Variants in PTPRD observed in about 807,000 individuals in gnomAD.
The protein encoded by PTPRD is protein tyrosine phosphatase receptor type D.
PTPRD carries 34 observed loss-of-function variants against 214.5 expected under a neutral mutation model. The observed-to-expected ratio is 0.16, with a 90% CI of 0.12 to 0.21. The LOEUF (loss-of-function observed/expected upper bound fraction) is 0.21. PTPRD is among the 10% of genes least tolerant of loss of function. The pLI is 1.00. For missense variants in PTPRD, 2,545 were observed against 2,398.7 expected, an observed-to-expected ratio of 1.06 and a Z score of -1.27; for synonymous variants, 1,128 against 845.7, an observed-to-expected ratio of 1.33 and a Z score of -5.79.
chr9:8,551,043 G>A (rs895404962), intron 14 of PTPRD, among the ~76,000 whole-genome samples: 5 of 152,160 alleles, frequency 3.3e-5, no homozygotes, highest in African/African-American at 7.2e-5. Context: ...TACCATAATG[G>A]CAAATCCCTA....
intron 11 of PTPRD, among the ~76,000 whole-genome samples, chr9:8,853,003 G>A (rs1334055305): frequency 6.6e-6 from 1 of 152,068 alleles, no homozygotes; most frequent in African/African-American, 2.4e-5. Context: ...AATACGTAAA[G>A]TACATAATGT....
chr9:8,670,781 G>C (rs2097267380), intron 12 of PTPRD, among the ~76,000 whole-genome samples: 1 of 152,174 alleles, frequency 6.6e-6, no homozygotes, highest in African/African-American at 2.4e-5. Context: ...AAGACTAGGG[G>C]TGTGGATGAC....
At chr9:9,686,453 T>C (rs1002573752) in intron 7 of PTPRD, among the ~76,000 whole-genome samples, 10 of 151,312 alleles carry the variant, frequency 6.6e-5, no homozygotes, top group Non-Finnish European at 1.2e-4. Flanking sequence ...CTAGAATAGA[T>C]AATACATTAT....
At chr9:10,399,689 T>C (rs2098237512) in intron 2 of PTPRD, among the ~76,000 whole-genome samples, 1 of 151,922 alleles carries the variant, frequency 6.6e-6, no homozygotes, top group African/African-American at 2.4e-5. Flanking sequence ...AGGTGACATC[T>C]GAACTAGTTT....
At chr9:9,992,635 T>G (rs1300157013) in intron 4 of PTPRD, among the ~76,000 whole-genome samples, 1 of 152,056 alleles carries the variant, frequency 6.6e-6, no homozygotes, top group Non-Finnish European at 1.5e-5. Context: ...AAAGGATGAG[T>G]TCATGTCCTT....
chr9:8,698,754 C>T lies in PTPRD; in HGVS notation c.64+35026G>A, dbSNP rs368959113. ...CGGCATAATACAGAAATCGCCTTTT[C>T]GCAGGAAACTAGATAGCTTGTTACC... On this transcript the variant is annotated intron_variant, in intron 12 of 45. Coordinates refer to ENST00000381196, the MANE Select transcript of PTPRD (RefSeq NM_002839.4). Among the ~76,000 whole-genome samples the T allele has an allele frequency of 5.6e-4, 85 of 152,228 alleles. 1 individual carries two copies. Among genetic ancestry groups the T allele is most frequent in the African/African-American group, 2.0e-3 (81 of 41,526 alleles).
intron 5 of PTPRD, among the ~76,000 whole-genome samples, chr9:9,885,845 A>G (rs1359657802): frequency 6.6e-6 from 1 of 152,024 alleles, no homozygotes; most frequent in African/African-American, 2.4e-5. Context: ...GTAATTTGTT[A>G]CAGCCACAAC....
At chr9:8,460,043 C>A (rs2096347910) in intron 33 of PTPRD, among the ~76,000 whole-genome samples, 1 of 152,068 alleles carries the variant, frequency 6.6e-6, no homozygotes, top group African/African-American at 2.4e-5. Context: ...AAAAAACACA[C>A]TGAAATCGAG....
intron 5 of PTPRD, among the ~76,000 whole-genome samples, chr9:9,809,027 C>T (rs991634124): frequency 1.3e-5 from 2 of 151,608 alleles, no homozygotes; most frequent in African/African-American, 4.8e-5. Context: ...CTCAACTGGC[C>T]CTCCCACCTT....
intron 7 of PTPRD, among the ~76,000 whole-genome samples, chr9:9,593,217 T>C (rs645187): frequency 0.37 from 55,694 of 149,600 alleles, 10,798 homozygotes; most frequent in Non-Finnish European, 0.4. Flanking sequence ...GTTTTTGTTT[T>C]TCCCCCCCCT....
At chr9:10,100,005 C>T (rs542479801) in intron 3 of PTPRD, among the ~76,000 whole-genome samples, 1 of 151,704 alleles carries the variant, frequency 6.6e-6, no homozygotes, top group South Asian at 2.1e-4. Flanking sequence ...ATAAATTCAC[C>T]TTCTCCCAAA....
chr9:10,331,461 T>A (rs1421055715), intron 3 of PTPRD, among the ~76,000 whole-genome samples: 7 of 151,900 alleles, frequency 4.6e-5, no homozygotes, highest in Non-Finnish European at 1.0e-4. Context: ...ATTCCCTGTC[T>A]GAATTCCCTG....
intron 3 of PTPRD, among the ~76,000 whole-genome samples, chr9:10,073,513 T>C (rs76491778): frequency 0.027 from 4,039 of 152,170 alleles, 70 homozygotes; most frequent in Middle Eastern, 0.075. Context: ...AAAAATTAAA[T>C]AAATCCCAGT....
intron 8 of PTPRD, among the ~76,000 whole-genome samples, chr9:9,421,902 C>A (rs1436754875): frequency 6.6e-6 from 1 of 151,340 alleles, no homozygotes; most frequent in Non-Finnish European, 1.5e-5. Flanking sequence ...AAAGTCTGAT[C>A]CAGATTGATG....
chr9:10,216,129 T>TC lies in PTPRD; in HGVS notation c.-545+124833dup, dbSNP rs200825899. Among the ~76,000 whole-genome samples the TC allele has an allele frequency of 5.2e-3, 785 of 152,164 alleles. 4 individuals are homozygous for TC. Among genetic ancestry groups the TC allele is most frequent in the African/African-American group, 0.016 (682 of 41,546 alleles). On this transcript the variant is annotated intron_variant, in intron 3 of 45. Transcript: ENST00000381196. ...ACTGTCTTTATTTAAAATGTTGATATCTTTTTCATTATTGATTTCTAAGTT... is the reference window on the plus strand; with the variant it reads ...ACTGTCTTTATTTAAAATGTTGATATCCTTTTTCATTATTGATTTCTAAGTT...
In PTPRD at chr9:8,341,229, T is replaced by G; in HGVS notation, c.4987A>C (p.Ser1663Arg). 1 of 1,612,368 alleles carries G rather than the reference T, an allele frequency of 6.2e-7. No individual in the cohort carries two copies. Among genetic ancestry groups the G allele is most frequent in the Non-Finnish European group, 8.5e-7 (1 of 1,179,198 alleles). ...SSKAHTSRFI[S>R]ANLPCNKFKN... is the part of the protein sequence containing the mutation. ...AATTTATTACATGGAAGATTGGCAC[T>G]GATAAACCTTGAGGTGTGAGCTTTT... The change falls in exon 41 of 46, where the codon AGT becomes CGT. Residue 1663 changes from serine to arginine, a missense_variant. By Grantham distance (110) the Ser-to-Arg change is moderately radical. Transcript: ENST00000381196.
At chr9:9,473,438 G>A (rs1050452629) in intron 8 of PTPRD, among the ~76,000 whole-genome samples, 2 of 152,182 alleles carry the variant, frequency 1.3e-5, no homozygotes, top group East Asian at 1.9e-4. Context: ...AAACGTGGAG[G>A]TGCAGGTATC....
chr9:9,847,880 G>A (rs1024952127), intron 5 of PTPRD, among the ~76,000 whole-genome samples: 1 of 152,042 alleles, frequency 6.6e-6, no homozygotes, highest in African/African-American at 2.4e-5. Context: ...GCCTGTAGGT[G>A]ATGTACATCA....
At chr9:8,332,322 C>T (rs62536169) in intron 43 of PTPRD, among the ~76,000 whole-genome samples, 1 of 152,110 alleles carries the variant, frequency 6.6e-6, no homozygotes, top group African/African-American at 2.4e-5. Context: ...TTGCTGTTAA[C>T]CTGGATGCCC....
Sources: allele counts gnomAD v4.1 joint callset (sites outside exome capture counted in the v4.1 genomes callset), GRCh38; gene constraint gnomAD v4.1.1; transcripts MANE v1.5; gene names NCBI Gene and HGNC (gene_info 2026-07-23, HGNC 2026-07-21).